The following GTPBP1 variants were observed in gnomAD, a reference collection of about 807,000 sequenced individuals.
The protein encoded by GTPBP1 is GTP binding protein 1.
Under a neutral mutation model 62.0 loss-of-function variants are expected in GTPBP1, and 23 were observed. That is an observed-to-expected ratio of 0.37 (90% CI 0.27 to 0.53). GTPBP1 has a LOEUF of 0.53. Ranked by LOEUF, GTPBP1 falls within the 20% of genes least tolerant of loss-of-function variation. The probability of loss-of-function intolerance (pLI) is 0.89; values close to 1 mark genes in which losing one functional copy is unlikely to be tolerated. For synonymous variants in GTPBP1, 344 were observed against 364.4 expected (o/e 0.94, Z 0.64); for missense variants, 640 against 917.3 (o/e 0.70, Z 3.90).
chr22:38,720,275 A>T (rs986276789), intron 4 of GTPBP1, among the ~76,000 whole-genome samples: 3 of 151,576 alleles, frequency 2.0e-5, no homozygotes, highest in African/African-American at 7.3e-5. Flanking sequence ...GCTGGAGTGC[A>T]ATGGCGCAAT....
intron 4 of GTPBP1, 46 bp from the exon 5 acceptor site, chr22:38,721,696 A>T: frequency 1.3e-6 from 2 of 1,570,440 alleles, no homozygotes; most frequent in Middle Eastern, 1.8e-4. Flanking sequence ...CCCAGCAGCA[A>T]TCTCTTTCTC....
intron 2 of GTPBP1, among the ~76,000 whole-genome samples, chr22:38,709,761 A>G (rs1268698578): frequency 6.6e-6 from 1 of 152,206 alleles, no homozygotes; most frequent in African/African-American, 2.4e-5. Context: ...CCTACTGACT[A>G]TTTAGTCTGG....
At chr22:38,723,183 C>A in intron 5 of GTPBP1, 1 of 880,290 alleles carries the variant, frequency 1.1e-6, no homozygotes, top group Non-Finnish European at 1.9e-6. Context: ...TCTGTAGGAC[C>A]ACGAAGGTGA....
rs573046847 is a variant in GTPBP1, at chr22:38,717,744, C to A, written c.834+744C>A. Among the ~76,000 whole-genome samples the A allele has an allele frequency of 2.6e-4, 40 of 152,340 alleles. No homozygotes were observed. In the South Asian group the frequency reaches 6.0e-3, roughly 23 times the overall value. On this transcript the variant is annotated intron_variant, in intron 4 of 11. Coordinates refer to ENST00000216044, the MANE Select transcript of GTPBP1 (RefSeq NM_004286.5). Reference sequence around the variant, plus strand: ...TTGCTAAGCTTGCCTTTGTGACCCACTGATCTTCCTCCCTGGACAGACAGT... The same window carrying A: ...TTGCTAAGCTTGCCTTTGTGACCCAATGATCTTCCTCCCTGGACAGACAGT...
intron 5 of GTPBP1, among the ~76,000 whole-genome samples, chr22:38,724,025 C>T (rs749655994): frequency 1.3e-5 from 2 of 152,122 alleles, no homozygotes; most frequent in African/African-American, 2.4e-5. Context: ...CACATGCTTA[C>T]AGGAGGCAGG....
Position 38,731,014 on chromosome 22 carries a change from G to T in GTPBP1, c.*310G>T, listed in dbSNP as rs377296013. On this transcript the variant is annotated 3_prime_UTR_variant, in exon 12 of 12. Transcript: ENST00000216044. The stretch of plus-strand genomic sequence containing the variant: ...ATATGTCTCTGTCTCTCTCTATTGT[G>T]TGTGTGTGTGTGTGTGTGTGTGTGT... 6.0e-5 allele frequency: 11 copies of T among 182,928 alleles called. No homozygotes were observed. The highest frequency in any genetic ancestry group is 4.5e-4 in the African/African-American group (11 of 24,500). 11.3% of individuals were successfully genotyped at this position (182,928 alleles called of 1,614,324 possible).
intron 4 of GTPBP1, among the ~76,000 whole-genome samples, chr22:38,717,365 GTAGT>G (rs2092676504): frequency 6.6e-6 from 1 of 152,162 alleles, no homozygotes; most frequent in Non-Finnish European, 1.5e-5. Context: ...CACCAGGTAG[GTAGT>G]ACCTTCAGAG....
downstream of GTPBP1, chr22:38,736,670 G>T: frequency 3.9e-6 from 1 of 254,694 alleles, no homozygotes. Flanking sequence ...TTCATAGAGG[G>T]CTTCATAGAT....
At chr22:38,719,432 C>T (rs1454933839) in intron 4 of GTPBP1, among the ~76,000 whole-genome samples, 2 of 152,114 alleles carry the variant, frequency 1.3e-5, no homozygotes, top group Admixed American at 1.3e-4. Context: ...CTCAGCCTCC[C>T]AAGTACCTAG....
rs531407973 is a variant in GTPBP1, at chr22:38,728,349, G to A, written c.1716+188G>A. The A allele has an allele frequency of 1.0e-5, 6 of 581,340 alleles. No individual in the cohort carries two copies. The South Asian group carries it at 1.3e-4, about 12-fold the overall frequency. 36.0% of individuals were successfully genotyped at this position (581,340 alleles called of 1,614,324 possible). On this transcript the variant is annotated intron_variant, in intron 10 of 11. Transcript: ENST00000216044. ...TGGCCTCCTGTCCTGGGCAGTGGTGGTGACCATGGAGAGGAGAAGGTAGGG... is the reference window on the plus strand; with the variant it reads ...TGGCCTCCTGTCCTGGGCAGTGGTGATGACCATGGAGAGGAGAAGGTAGGG...
At chr22:38,712,943 T>G (rs974909132) in intron 2 of GTPBP1, among the ~76,000 whole-genome samples, 1 of 152,200 alleles carries the variant, frequency 6.6e-6, no homozygotes, top group Non-Finnish European at 1.5e-5. Flanking sequence ...GGAAAGGCAC[T>G]GGTTGTGGGG....
chr22:38,737,775 C>T (rs529970603), downstream of GTPBP1: 5 of 395,364 alleles, frequency 1.3e-5, no homozygotes, highest in East Asian at 6.9e-5. This position sits in a 1 kb window ranked among gnomAD's most constrained non-coding sequence, Gnocchi z 4.1. Flanking sequence ...CTTAGGAGAT[C>T]GGATGCCCAC....
In GTPBP1 at chr22:38,716,954, C is replaced by G; in HGVS notation, c.788C>G (p.Thr263Ser). The G allele has an allele frequency of 6.2e-7, 1 of 1,613,704 alleles. No individual in the cohort carries two copies. The highest frequency in any genetic ancestry group is 8.5e-7 in the Non-Finnish European group (1 of 1,179,604). ...LAGHEKYLKTTVFGMTGHLPD... is the reference protein window; with the variant it reads ...LAGHEKYLKTSVFGMTGHLPD... ...GGTCATGAGAAGTACCTGAAAACCA[C>G]TGTCTTCGGCATGACAGGCCATCTG... The change falls in exon 4 of 12, where the codon ACT becomes AGT. Residue 263 changes from threonine (T) to serine (S), a missense_variant. Around this residue, in one of 4 missense-constraint regions of GTPBP1, gnomAD observed 88 missense variants for 217.0 expected, o/e 0.41. Transcript: ENST00000216044. The surrounding 1 kb of genome is among the most constrained non-coding windows in gnomAD (Gnocchi z 5.2).
chr22:38,739,587 C>T, downstream of GTPBP1: 1 of 1,307,170 alleles, frequency 7.7e-7, no homozygotes, highest in Non-Finnish European at 1.1e-6. The surrounding 1 kb of genome is among the most constrained non-coding windows in gnomAD (Gnocchi z 6.7). Flanking sequence ...CCATGCCAGC[C>T]CCACAGCATG....
chr22:38,716,348 AC>A lies in GTPBP1; in HGVS notation c.485+263del. The A allele has an allele frequency of 1.7e-6, 1 of 584,244 alleles. No homozygotes were observed. Among genetic ancestry groups the A allele is most frequent in the East Asian group, 2.9e-5 (1 of 34,914 alleles). The allele number at this position is 584,244 out of a possible 1,614,324, so 36.2% of individuals were successfully genotyped here. Reference sequence around the variant, plus strand: ...TTCCCTTCAGCCTGTGAGCCTGGAAACCAGGGTCATGGAGAAGAGCCTTTTG... The same window carrying A: ...TTCCCTTCAGCCTGTGAGCCTGGAAACAGGGTCATGGAGAAGAGCCTTTTG... On this transcript the variant is annotated intron_variant, in intron 3 of 11. Coordinates refer to ENST00000216044, the MANE Select transcript of GTPBP1 (RefSeq NM_004286.5). The surrounding 1 kb of genome is among the most constrained non-coding windows in gnomAD (Gnocchi z 5.2).
intron 10 of GTPBP1, 26 bp downstream of exon 10, chr22:38,728,187 C>T (rs1438393166): frequency 1.3e-6 from 2 of 1,574,994 alleles, no homozygotes; most frequent in Non-Finnish European, 1.7e-6. Context: ...ACCTTGCCTG[C>T]CTCCAGGAAG....
chr22:38,724,359 G>A lies in GTPBP1; in HGVS notation c.1021G>A (p.Val341Met). ...AGGCTGCCGGAAGATCCCCGTGCTGGTGCAGAGCAAAGATGATGTGATTGT... is the reference window on the plus strand; with the variant it reads ...AGGCTGCCGGAAGATCCCCGTGCTGATGCAGAGCAAAGATGATGTGATTGT... Reference protein sequence around the residue: ...SPGCRKIPVLVQSKDDVIVTA... With the variant: ...SPGCRKIPVLMQSKDDVIVTA... Residue 341 changes from valine (V) to methionine (M), a missense_variant, in exon 6 of 12, where the codon GTG (valine) becomes ATG (methionine). Physicochemically the swap from Val to Met is conservative, Grantham distance 21. Around this residue, in one of 4 missense-constraint regions of GTPBP1, gnomAD observed 220 missense variants for 358.1 expected, o/e 0.61. Coordinates refer to ENST00000216044, the MANE Select transcript of GTPBP1 (RefSeq NM_004286.5). 1 of 1,613,620 alleles carries A rather than the reference G, an allele frequency of 6.2e-7. No individual in the cohort carries two copies. The highest frequency in any genetic ancestry group is 8.5e-7 in the Non-Finnish European group (1 of 1,179,578).
At position 38,730,478 on chromosome 22, in the gene GTPBP1, G is replaced by C; in HGVS notation, c.1918-134G>C. 1.6e-6 allele frequency: 1 copy of C among 641,188 alleles called. No homozygotes were observed. The highest frequency in any genetic ancestry group is 2.6e-5 in the Admixed American group (1 of 39,100). 39.7% of individuals were successfully genotyped at this position (641,188 alleles called of 1,614,324 possible). On this transcript the variant is annotated intron_variant, in intron 11 of 11. Coordinates refer to ENST00000216044, the MANE Select transcript of GTPBP1 (RefSeq NM_004286.5). The surrounding 1 kb of genome is among the most constrained non-coding windows in gnomAD (Gnocchi z 5.6). ...ATGCAGAGTGACCCAGTAAATTCCT[G>C]GTCAGGCTAGGGTGAGGACCACGCA...
chr22:38,730,894 C>T lies in GTPBP1; in HGVS notation c.*190C>T, dbSNP rs1008740114. Reference sequence around the variant, plus strand: ...TAAGCTGACGAAGGTAGCCAGACTTCCGGAGGACTGACCATCTCTCACTGT... The same window carrying T: ...TAAGCTGACGAAGGTAGCCAGACTTTCGGAGGACTGACCATCTCTCACTGT... On this transcript the variant is annotated 3_prime_UTR_variant, in exon 12 of 12. Coordinates refer to ENST00000216044, the MANE Select transcript of GTPBP1 (RefSeq NM_004286.5). The surrounding 1 kb of genome is among the most constrained non-coding windows in gnomAD (Gnocchi z 5.6). 5 of 558,510 alleles carry T rather than the reference C, an allele frequency of 9.0e-6. No individual in the cohort carries two copies. The highest frequency in any genetic ancestry group is 9.5e-6 in the Non-Finnish European group (3 of 316,592). 34.6% of individuals were successfully genotyped at this position (558,510 alleles called of 1,614,324 possible).
Sources: allele counts gnomAD v4.1 joint callset (sites outside exome capture counted in the v4.1 genomes callset), GRCh38; gene constraint gnomAD v4.1.1; regional missense constraint gnomAD v4.1.1; non-coding constraint Gnocchi (gnomAD v3.1); transcripts MANE v1.5; gene names NCBI Gene and HGNC (gene_info 2026-07-23, HGNC 2026-07-21).